The following IL1RAPL2 variants were observed in gnomAD, a reference collection of about 807,000 sequenced individuals.
IL1RAPL2 encodes the protein X-linked interleukin-1 receptor accessory protein-like 2.
Under a neutral mutation model 44.1 loss-of-function variants are expected in IL1RAPL2, and 3 were observed. The ratio of observed to expected loss-of-function variants is 0.07; its 90% CI spans 0.03 to 0.18. The LOEUF (loss-of-function observed/expected upper bound fraction) is 0.18, where lower values mean the gene tolerates loss of function less well. IL1RAPL2 is among the 10% of genes least tolerant of loss of function. The pLI, the probability that IL1RAPL2 is intolerant of heterozygous loss-of-function variation, is 1.00. For synonymous variants in IL1RAPL2, 181 were observed against 178.8 expected, an observed-to-expected ratio of 1.01 and a Z score of -0.10; for missense variants, 391 against 496.4, an observed-to-expected ratio of 0.79 and a Z score of 2.02.
chrX:104,808,674 GA>G (rs768446726), intron 2 of IL1RAPL2, among the ~76,000 whole-genome samples: 24 of 111,836 alleles, frequency 2.1e-4, no homozygotes, highest in African/African-American at 7.8e-4. Flanking sequence ...ATAGATATAA[GA>G]AAAAGTAAGA....
intron 2 of IL1RAPL2, among the ~76,000 whole-genome samples, chrX:104,787,889 G>C (rs1265044972): frequency 8.9e-6 from 1 of 111,862 alleles, no homozygotes; most frequent in Non-Finnish European, 1.9e-5. Flanking sequence ...CCAAGGTTCA[G>C]AATCACTGGA....
intron 2 of IL1RAPL2, among the ~76,000 whole-genome samples, chrX:104,834,442 G>A (rs1921690147): frequency 9.0e-6 from 1 of 111,047 alleles, no homozygotes; most frequent in Admixed American, 9.7e-5. Context: ...TTATTGGCTT[G>A]ATAAAGTCAA....
intron 2 of IL1RAPL2, among the ~76,000 whole-genome samples, chrX:104,904,895 T>C (rs1923938510): frequency 9.0e-6 from 1 of 111,222 alleles, no homozygotes; most frequent in Non-Finnish European, 1.9e-5. Context: ...TCCACAATGG[T>C]TGAACTAGTT....
In IL1RAPL2 at chrX:105,076,293, G is replaced by A. The variant is rs55638866; in HGVS notation, c.83-119182G>A. ...ACATCTTTATTTCTGCCTTCATTTC[G>A]TTATGTAGCCAGTAGTCATTCAGGA... is the stretch of plus-strand genomic sequence containing the variant. On this transcript the variant is annotated intron_variant, in intron 2 of 10. Coordinates refer to ENST00000372582, the MANE Select transcript of IL1RAPL2 (RefSeq NM_017416.2). 8.3e-3 allele frequency among the ~76,000 whole-genome samples: 920 copies of A among 110,899 alleles called. 4 individuals are homozygous for A. Among genetic ancestry groups the A allele is most frequent in the Non-Finnish European group, 0.014 (747 of 52,816 alleles).
chrX:104,961,795 C>G (rs1399021357), intron 2 of IL1RAPL2, among the ~76,000 whole-genome samples: 1 of 111,899 alleles, frequency 8.9e-6, no homozygotes, highest in Non-Finnish European at 1.9e-5. Flanking sequence ...GTTCTTAGCA[C>G]AATGCCTGGC....
chrX:105,500,390 A>G (rs1295417626), intron 6 of IL1RAPL2, among the ~76,000 whole-genome samples: 1 of 111,249 alleles, frequency 9.0e-6, no homozygotes, highest in Non-Finnish European at 1.9e-5. Flanking sequence ...GAAGTGTTCT[A>G]ACAGAGATCT....
Position 105,767,180 on chromosome X carries a change from G to A in IL1RAPL2, c.1580G>A (p.Ser527Asn). 1 of 1,210,122 alleles carries A rather than the reference G, an allele frequency of 8.3e-7. No homozygotes were observed. The highest frequency in any genetic ancestry group is 1.1e-6 in the Non-Finnish European group (1 of 894,037). Residue 527 changes from serine to asparagine, a missense_variant, in exon 11 of 11, where the codon AGC (serine) becomes AAC (asparagine). By Grantham distance (46) the Ser-to-Asn change is conservative. This residue lies in a region of IL1RAPL2 where 232 missense variants were observed against 244.8 expected (regional missense o/e 0.95). Transcript: ENST00000372582. Reference sequence around the variant, plus strand: ...CAGGAAGTGGAATCACTAAAGCGTAGCATCAAACTTCTGTCCCTGATCAAG... The same window carrying A: ...CAGGAAGTGGAATCACTAAAGCGTAACATCAAACTTCTGTCCCTGATCAAG... ...NCQEVESLKRSIKLLSLIKWK... is the reference protein window; with the variant it reads ...NCQEVESLKRNIKLLSLIKWK...
At chrX:105,233,485 A>G (rs1344894607) in intron 3 of IL1RAPL2, among the ~76,000 whole-genome samples, 1 of 112,053 alleles carries the variant, frequency 8.9e-6, no homozygotes, top group East Asian at 2.8e-4. Context: ...CCAGTTATAG[A>G]GAGACTTTCT....
intron 2 of IL1RAPL2, among the ~76,000 whole-genome samples, chrX:104,662,134 G>A (rs924018124): frequency 8.9e-6 from 1 of 111,923 alleles, no homozygotes; most frequent in African/African-American, 3.2e-5. Context: ...GGTTTTGGAG[G>A]TTGGTTTGTT....
chrX:104,641,830 C>T (rs112183188), intron 1 of IL1RAPL2, among the ~76,000 whole-genome samples: 447 of 111,794 alleles, frequency 4.0e-3, no homozygotes, highest in African/African-American at 0.013. Context: ...CATAATGCCC[C>T]AGTTCCAGTG....
At chrX:105,182,023 C>T (rs781841058) in intron 2 of IL1RAPL2, among the ~76,000 whole-genome samples, 6 of 103,951 alleles carry the variant, frequency 5.8e-5, no homozygotes, top group South Asian at 4.5e-4. Context: ...GCCAAGATTG[C>T]GCCACTGCAC....
At chrX:105,272,631 C>T (rs2034456091) in intron 5 of IL1RAPL2, among the ~76,000 whole-genome samples, 1 of 112,205 alleles carries the variant, frequency 8.9e-6, no homozygotes, top group South Asian at 3.7e-4. Flanking sequence ...GAAAATACTT[C>T]AAAGATTTGC....
Position 105,764,523 on chromosome X carries a change from A to G in IL1RAPL2, c.1364-2441A>G, listed in dbSNP as rs1023624560. ...AGTTGATAGACTCATGTATAGATAT[A>G]GCTTTAGTTTCTAAAAGCATAGTTT... On this transcript the variant is annotated intron_variant, in intron 10 of 10. Coordinates refer to ENST00000372582, the MANE Select transcript of IL1RAPL2 (RefSeq NM_017416.2). 6.2e-5 allele frequency among the ~76,000 whole-genome samples: 7 copies of G among 112,290 alleles called. No individual in the cohort carries two copies. In the Admixed American group the frequency reaches 6.6e-4, roughly 11 times the overall value.
intron 3 of IL1RAPL2, among the ~76,000 whole-genome samples, chrX:105,220,926 C>T (rs2033956531): frequency 8.9e-6 from 1 of 111,998 alleles, no homozygotes; most frequent in African/African-American, 3.2e-5. Context: ...CCATGTATCC[C>T]TCCCTCTTGA....
chrX:104,858,818 C>A (rs1318624317), intron 2 of IL1RAPL2, among the ~76,000 whole-genome samples: 1 of 111,708 alleles, frequency 9.0e-6, no homozygotes, highest in Non-Finnish European at 1.9e-5. Context: ...TCAAGTTTTT[C>A]CCCAAAGGAT....
intron 2 of IL1RAPL2, among the ~76,000 whole-genome samples, chrX:105,136,093 A>G (rs1348403979): frequency 8.9e-6 from 1 of 112,029 alleles, no homozygotes; most frequent in Non-Finnish European, 1.9e-5. Flanking sequence ...AGCATCAAAG[A>G]AGATAGTGTT....
At chrX:105,739,315 C>T (rs2038476518) in intron 7 of IL1RAPL2, among the ~76,000 whole-genome samples, 2 of 107,058 alleles carry the variant, frequency 1.9e-5, no homozygotes, top group Non-Finnish European at 3.9e-5. Context: ...GTTAATATTT[C>T]TTTTTTTTTA....
At chrX:104,676,645 C>T (rs914475382) in intron 2 of IL1RAPL2, among the ~76,000 whole-genome samples, 1 of 111,684 alleles carries the variant, frequency 9.0e-6, no homozygotes, top group Non-Finnish European at 1.9e-5. Flanking sequence ...GAACATTGGC[C>T]TGCCTTGCTA....
chrX:105,509,998 C>T (rs568057179), intron 6 of IL1RAPL2, among the ~76,000 whole-genome samples: 30 of 109,277 alleles, frequency 2.7e-4, no homozygotes, highest in African/African-American at 9.0e-4. Flanking sequence ...TAGTAAGACC[C>T]CTATCTCTAC....
Sources: allele counts gnomAD v4.1 joint callset (sites outside exome capture counted in the v4.1 genomes callset), GRCh38; gene constraint gnomAD v4.1.1; regional missense constraint gnomAD v4.1.1; transcripts MANE v1.5; gene names NCBI Gene and HGNC (gene_info 2026-07-23, HGNC 2026-07-21).